The following PTPRM variants were observed in gnomAD, a reference collection of about 807,000 sequenced individuals.
PTPRM encodes the protein protein tyrosine phosphatase receptor type M.
PTPRM carries 47 observed loss-of-function variants against 186.7 expected under a neutral mutation model. The observed-to-expected ratio is 0.25, with a 90% CI of 0.20 to 0.32. The LOEUF (loss-of-function observed/expected upper bound fraction) is 0.32. PTPRM is among the 10% of genes least tolerant of loss of function. The probability of loss-of-function intolerance (pLI) is 1.00; values close to 1 mark genes in which losing one functional copy is unlikely to be tolerated. For missense variants in PTPRM, 1,494 were observed against 1,865.0 expected (o/e 0.80, Z 3.66); for synonymous variants, 668 against 674.9 (o/e 0.99, Z 0.16).
intron 9 of PTPRM, among the ~76,000 whole-genome samples, chr18:8,085,059 G>A (rs2090359727): frequency 1.3e-5 from 2 of 152,040 alleles, no homozygotes; most frequent in African/African-American, 4.8e-5. Context: ...ACCAGATGTG[G>A]CTAGTGGCTA....
chr18:8,240,629 GA>G (rs2094411785), intron 14 of PTPRM, among the ~76,000 whole-genome samples: 1 of 41,280 alleles, frequency 2.4e-5, no homozygotes, highest in African/African-American at 1.1e-4. Context: ...GAGAGAGAGA[GA>G]GAGAGAGAGA....
chr18:8,383,287 C>T (rs1305219535), intron 29 of PTPRM, among the ~76,000 whole-genome samples: 10 of 93,984 alleles, frequency 1.1e-4, no homozygotes, highest in Admixed American at 1.8e-4. Context: ...ACAGAACGAG[C>T]TTCTGCCTCA....
chr18:7,615,479 A>G (rs1171766105), intron 1 of PTPRM, among the ~76,000 whole-genome samples: 3 of 152,144 alleles, frequency 2.0e-5, no homozygotes, highest in African/African-American at 7.2e-5. Context: ...TACAGAGACT[A>G]GGTCCATTCC....
At chr18:8,287,337 G>A (rs1228474705) in intron 19 of PTPRM, among the ~76,000 whole-genome samples, 1 of 152,184 alleles carries the variant, frequency 6.6e-6, no homozygotes, top group Admixed American at 6.5e-5. Context: ...TGCATGCTGG[G>A]TGTGTCACAC....
chr18:7,633,373 A>G (rs1285783548), intron 1 of PTPRM, among the ~76,000 whole-genome samples: 3 of 152,134 alleles, frequency 2.0e-5, no homozygotes, highest in Admixed American at 2.0e-4. Flanking sequence ...CCCCAAATTC[A>G]TCTTTGGATG....
chr18:7,930,875 A>G (rs1469537680), intron 5 of PTPRM, among the ~76,000 whole-genome samples: 1 of 152,130 alleles, frequency 6.6e-6, no homozygotes, highest in Admixed American at 6.5e-5. Context: ...AGAAATGTTT[A>G]TGATTAACAG....
chr18:7,734,328 G>A (rs2040723619), intron 1 of PTPRM, among the ~76,000 whole-genome samples: 1 of 152,174 alleles, frequency 6.6e-6, no homozygotes, highest in Non-Finnish European at 1.5e-5. Context: ...TGAGGGCACA[G>A]TGCAAATGCC....
chr18:8,098,938 A>G (rs1468707758), intron 11 of PTPRM, among the ~76,000 whole-genome samples: 1 of 152,066 alleles, frequency 6.6e-6, no homozygotes, highest in Non-Finnish European at 1.5e-5. Flanking sequence ...GACTTCCTCT[A>G]ATGGGGAAGC....
chr18:8,236,148 G>A (rs1441030447), intron 14 of PTPRM, among the ~76,000 whole-genome samples: 1 of 152,170 alleles, frequency 6.6e-6, no homozygotes, highest in Non-Finnish European at 1.5e-5. Context: ...CTGCTGAGCT[G>A]TCCATTACTG....
chr18:7,972,722 G>T (rs1462840782), intron 7 of PTPRM, among the ~76,000 whole-genome samples: 1 of 151,928 alleles, frequency 6.6e-6, no homozygotes, highest in African/African-American at 2.4e-5. Context: ...AATGGCCTTT[G>T]AAAATCACTG....
At chr18:8,313,151 C>T (rs979847259) in intron 20 of PTPRM, among the ~76,000 whole-genome samples, 7 of 152,218 alleles carry the variant, frequency 4.6e-5, no homozygotes, top group African/African-American at 1.7e-4. Flanking sequence ...GGCTTCATTT[C>T]TCACCCACTA....
At chr18:7,588,523 T>G (rs897126563) in intron 1 of PTPRM, among the ~76,000 whole-genome samples, 4 of 152,182 alleles carry the variant, frequency 2.6e-5, no homozygotes, top group Non-Finnish European at 5.9e-5. Context: ...ATTGTATAAT[T>G]AGAAAAATTT....
intron 14 of PTPRM, among the ~76,000 whole-genome samples, chr18:8,190,673 A>G (rs2093698521): frequency 6.6e-6 from 1 of 152,218 alleles, no homozygotes; most frequent in Non-Finnish European, 1.5e-5. Context: ...TTCATATAAA[A>G]TACAGTTAAT....
At chr18:7,817,013 C>T (rs111629059) in intron 2 of PTPRM, among the ~76,000 whole-genome samples, 27 of 141,028 alleles carry the variant, frequency 1.9e-4, no homozygotes, top group Middle Eastern at 3.8e-3. Flanking sequence ...CTCACTCTGG[C>T]GCCCAGGCTG....
At chr18:7,849,331 C>A (rs1378028577) in intron 2 of PTPRM, among the ~76,000 whole-genome samples, 11 of 152,216 alleles carry the variant, frequency 7.2e-5, no homozygotes, top group African/African-American at 2.7e-4. Context: ...TTAATGACTT[C>A]TCCACATGGC....
At chr18:7,723,000 GT>G (rs536819753) in intron 1 of PTPRM, among the ~76,000 whole-genome samples, 25 of 151,626 alleles carry the variant, frequency 1.6e-4, no homozygotes, top group Non-Finnish European at 3.2e-4. Context: ...TGGAAAGTTA[GT>G]TTTTTTTTCC....
chr18:7,756,425 A>C lies in PTPRM; in HGVS notation c.74-17724A>C, dbSNP rs190884390. ...ATTCTGGGAGCAAATTTTCTCGGAT[A>C]TCAATTTGAGGAAATAAATCTCACT... On this transcript the variant is annotated intron_variant, in intron 1 of 32. Coordinates refer to ENST00000580170, the MANE Select transcript of PTPRM (RefSeq NM_001105244.2). Among the ~76,000 whole-genome samples, 17 of 152,314 alleles carry C rather than the reference A, an allele frequency of 1.1e-4. 1 individual carries two copies. In the East Asian group the frequency reaches 2.9e-3, roughly 26 times the overall value.
intron 1 of PTPRM, among the ~76,000 whole-genome samples, chr18:7,701,202 G>T (rs2039957855): frequency 6.6e-6 from 1 of 151,012 alleles, no homozygotes; most frequent in African/African-American, 2.4e-5. Context: ...TACTCGGGAG[G>T]CTGAGGCAGG....
At chr18:7,570,978 CG>C (rs936315634) in intron 1 of PTPRM, among the ~76,000 whole-genome samples, 2 of 147,896 alleles carry the variant, frequency 1.4e-5, no homozygotes, top group Non-Finnish European at 3.0e-5. Flanking sequence ...CTTGCTCTGT[CG>C]CCAGGCTGGA....
Sources: allele counts gnomAD v4.1 joint callset (sites outside exome capture counted in the v4.1 genomes callset), GRCh38; gene constraint gnomAD v4.1.1; transcripts MANE v1.5; gene names NCBI Gene and HGNC (gene_info 2026-07-23, HGNC 2026-07-21).